INTS1: variants seen among roughly 807,000 people sequenced by gnomAD.
INTS1 encodes integrator complex subunit 1.
Under a neutral mutation model 241.6 loss-of-function variants are expected in INTS1, and 137 were observed. The observed-to-expected ratio is 0.57, with a 90% CI of 0.49 to 0.65. INTS1 has a LOEUF of 0.65. Ranked by LOEUF, INTS1 falls within the 30% of genes least tolerant of loss-of-function variation. The pLI, the probability that INTS1 is intolerant of heterozygous loss-of-function variation, is 0.00. For missense variants in INTS1, 3,073 were observed against 3,032.2 expected (o/e 1.01, Z -0.32); for synonymous variants, 1,692 against 1,337.8 (o/e 1.26, Z -5.78).
chr7:1,495,397 G>T (rs2128542575), intron 13 of INTS1, 36 bp downstream of exon 13: 1 of 1,587,276 alleles, frequency 6.3e-7, no homozygotes, highest in Middle Eastern at 2.0e-4. Context: ...GCTCAGTGGG[G>T]TGTGGGACAG....
chr7:1,477,333 T>G (rs1395219397), intron 35 of INTS1, among the ~76,000 whole-genome samples: 4 of 151,668 alleles, frequency 2.6e-5, no homozygotes, highest in African/African-American at 4.8e-5. Context: ...CTGGTCACAG[T>G]GCTGGTCCAC....
rs776432934 is a variant in INTS1 at position 1,477,772 on chromosome 7, G to A, written c.4795C>T (p.Pro1599Ser). 1 of 1,612,372 alleles carries A rather than the reference G, an allele frequency of 6.2e-7. No individual in the cohort carries two copies. The highest frequency in any genetic ancestry group is 1.1e-5 in the South Asian group (1 of 91,082). ...GCTCACCTGCCACCGTCCGCACCCG[G>A]CTTCCCCCCAGCCAGGGGCTCCTCC... Reference protein sequence around the residue: ...QEEEPLAGGKPGADGGSLEAV... With the variant: ...QEEEPLAGGKSGADGGSLEAV... Residue 1599 changes from proline to serine, a missense_variant, in exon 34 of 48, where the codon CCG becomes TCG. Transcript: ENST00000404767.
chr7:1,471,233 G>C lies in INTS1; in HGVS notation c.6256-9C>G. The C allele has an allele frequency of 1.3e-6, 2 of 1,567,474 alleles. No homozygotes were observed. Among genetic ancestry groups the C allele is most frequent in the South Asian group, 2.3e-5 (2 of 85,150 alleles). On this transcript the variant is annotated splice_polypyrimidine_tract_variant and intron_variant, in intron 45 of 47. Coordinates refer to ENST00000404767, the MANE Select transcript of INTS1 (RefSeq NM_001080453.3). ...AGCCGCTGCAGGTTGGTCTGACCGG[G>C]GGAAAGGTGGGAGGTGTGTGACCAA...
At chr7:1,501,175 C>T (rs1299035462) in intron 3 of INTS1, 1 of 151,878 alleles carries the variant, frequency 6.6e-6, no homozygotes, top group Non-Finnish European at 1.5e-5. Flanking sequence ...ATCCCAGCTG[C>T]TTGGGAGGCT....
At chr7:1,503,858 G>GACCCCCAAAGACCCCCAAAA in intron 2 of INTS1, 45 bp downstream of exon 2, 1 of 1,431,844 alleles carries the variant, frequency 7.0e-7, no homozygotes, top group African/African-American at 1.5e-5. Flanking sequence ...GACCCCCAAA[G>GACCCCCAAAGACCCCCAAAA]ACCCCCAAAG....
At chr7:1,503,290 G>A (rs1226833435) in intron 2 of INTS1, 99 bp from the exon 3 acceptor site, 2 of 1,312,684 alleles carry the variant, frequency 1.5e-6, no homozygotes, top group African/African-American at 1.5e-5. Context: ...GATTAAACAA[G>A]GGTCAGAGGA....
At chr7:1,482,239 T>C (rs4560715) in intron 27 of INTS1, 131,633 of 256,624 alleles carry the variant, frequency 0.51, 36,637 homozygotes, top group African/African-American at 0.77. Flanking sequence ...CCACCACTTC[T>C]CCTCCTCCTC....
chr7:1,495,663 G>A, intron 12 of INTS1, 110 bp from the exon 13 acceptor site: 1 of 1,369,214 alleles, frequency 7.3e-7, no homozygotes, highest in Non-Finnish European at 9.9e-7. Context: ...GTAACTCAGG[G>A]CACCCCCAGC....
intron 3 of INTS1, 103 bp from the exon 4 acceptor site, chr7:1,500,469 G>A (rs1164306322): frequency 1.3e-5 from 17 of 1,267,468 alleles, no homozygotes; most frequent in South Asian, 3.1e-5. Context: ...TCTCAGGGTC[G>A]GCCCTGCCAG....
intron 42 of INTS1, among the ~76,000 whole-genome samples, 171 bp from the exon 43 acceptor site, chr7:1,473,355 G>T (rs529004774): frequency 2.8e-4 from 43 of 152,326 alleles, no homozygotes; most frequent in Admixed American, 5.9e-4. Context: ...GAACGGGACA[G>T]AGAGCCAGAG....
chr7:1,501,555 A>C (rs114175322), intron 3 of INTS1, among the ~76,000 whole-genome samples: 1 of 152,154 alleles, frequency 6.6e-6, no homozygotes, highest in Non-Finnish European at 1.5e-5. Context: ...TACGCTTTTC[A>C]TAACCACGTC....
Position 1,497,739 on chromosome 7 carries a change from G to A in INTS1, c.1426-425C>T, listed in dbSNP as rs568917147. On this transcript the variant is annotated intron_variant, in intron 10 of 47. Coordinates refer to ENST00000404767, the MANE Select transcript of INTS1 (RefSeq NM_001080453.3). This position sits in a 1 kb window ranked among gnomAD's most constrained non-coding sequence, Gnocchi z 5.3. Reference sequence around the variant, plus strand: ...ATGCCAGGCCGCGAAGACTGAACGCGGAGCTGAGAGCGGCTGTGCCTCCCT... The same window carrying A: ...ATGCCAGGCCGCGAAGACTGAACGCAGAGCTGAGAGCGGCTGTGCCTCCCT... Among the ~76,000 whole-genome samples the A allele has an allele frequency of 1.3e-5, 2 of 152,364 alleles. No homozygotes were observed. Among genetic ancestry groups the A allele is most frequent in the South Asian group, 2.1e-4 (1 of 4,830 alleles).
At chr7:1,486,820 C>G (rs62435333) in intron 21 of INTS1, 46 bp from the exon 22 acceptor site, 3 of 1,504,924 alleles carry the variant, frequency 2.0e-6, no homozygotes, top group Non-Finnish European at 2.7e-6. Flanking sequence ...ACAGGCCAGG[C>G]GGGTAGGACG....
chr7:1,470,316 T>C lies in INTS1; in HGVS notation c.*261A>G. 2 of 462,904 alleles carry C rather than the reference T, an allele frequency of 4.3e-6. No homozygotes were observed. The highest frequency in any genetic ancestry group is 3.6e-5 in the East Asian group (1 of 27,540). The allele number at this position is 462,904 out of a possible 1,614,324, so 28.7% of individuals were successfully genotyped here. A position where few individuals can be genotyped will look rare whatever the true frequency, so the allele number is the denominator to read the frequency against. ...TTTCATTCAAAACCAGCCCAGGCCA[T>C]GCCCGGGGGGATCCGCCGCTCCGCG... On this transcript the variant is annotated 3_prime_UTR_variant, in exon 48 of 48. Transcript: ENST00000404767.
rs2128533975 is a variant in INTS1, at chr7:1,476,841, T to C, written c.5016A>G (p.Thr1672=). 2 of 1,612,922 alleles carry C rather than the reference T, an allele frequency of 1.2e-6. No homozygotes were observed. The highest frequency in any genetic ancestry group is 1.1e-5 in the South Asian group (1 of 91,042). ...TLFTHQSSWP[T]LHQCIRVLLG... Reference sequence around the variant, plus strand: ...GCAGGACTCGGATGCACTGGTGCAGTGTGGGCCAGCTGGACTGATGCGTGA... The same window carrying C: ...GCAGGACTCGGATGCACTGGTGCAGCGTGGGCCAGCTGGACTGATGCGTGA... Residue 1672 remains threonine, a synonymous_variant, in exon 36 of 48, where the codon ACA becomes ACG. Transcript: ENST00000404767.
At chr7:1,471,442 C>A (rs1347418832) in intron 45 of INTS1, 129 bp downstream of exon 45, 4 of 1,116,102 alleles carry the variant, frequency 3.6e-6, no homozygotes, top group South Asian at 2.8e-5. Flanking sequence ...CTGGGGCCCC[C>A]ACCCGAAGCC....
chr7:1,479,796 CCCTGTTCATTCGTAG>C, intron 30 of INTS1, 112 bp from the exon 31 acceptor site: 1 of 1,192,496 alleles, frequency 8.4e-7, no homozygotes, highest in Non-Finnish European at 1.1e-6. Flanking sequence ...CCCATCGTGT[CCCTGTTCATTCGTAG>C]CCCCCACCTT....
In INTS1 at chr7:1,480,216, G is replaced by A. The variant is rs192758794; in HGVS notation, c.4074+101C>T. 501 of 1,361,454 alleles carry A rather than the reference G, an allele frequency of 3.7e-4. 1 individual carries two copies. The highest frequency in any genetic ancestry group is 2.6e-4 in the Non-Finnish European group (266 of 1,017,876). The allele number at this position is 1,361,454 out of a possible 1,614,324, so 84.3% of individuals were successfully genotyped here. On this transcript the variant is annotated intron_variant, in intron 30 of 47. Coordinates refer to ENST00000404767, the MANE Select transcript of INTS1 (RefSeq NM_001080453.3). ...CGTGTGCAGCGTGCCTGGGTCAGGCGGTCACGCAAGTAAAGGCCGCTGTGC... is the reference window on the plus strand; with the variant it reads ...CGTGTGCAGCGTGCCTGGGTCAGGCAGTCACGCAAGTAAAGGCCGCTGTGC...
rs370386392 is a variant in INTS1, at chr7:1,485,347, C to T, written c.3099G>A (p.Leu1033=). The change falls in exon 23 of 48, where the codon CTG becomes CTA. Residue 1033 remains leucine, a synonymous_variant. Transcript: ENST00000404767. ...CGCTGTCGAACAGAGGCAGGCGAGG[C>T]AGGTCCCGCAGCAGCCACTGATAGC... The part of the protein sequence containing the change: ...LQGYQWLLRD[L]PRLPLFDSVR... 3.7e-6 allele frequency: 6 copies of T among 1,611,582 alleles called. No homozygotes were observed. Among genetic ancestry groups the T allele is most frequent in the South Asian group, 1.1e-5 (1 of 91,094 alleles).
Sources: gnomAD v4.1 joint callset for allele counts (sites outside exome capture counted in the v4.1 genomes callset) on GRCh38, gnomAD v4.1.1 for gene constraint, Gnocchi (gnomAD v3.1) non-coding constraint, MANE v1.5 for transcripts, NCBI Gene and HGNC (gene_info 2026-07-23, HGNC 2026-07-21) for gene names.